TDP1: variants seen among roughly 807,000 people sequenced by gnomAD.
The protein encoded by TDP1 is tyrosyl-DNA phosphodiesterase 1.
Under a neutral mutation model 81.5 loss-of-function variants are expected in TDP1, and 64 were observed. That is an observed-to-expected ratio of 0.79 (90% CI 0.64 to 0.97). TDP1 has a LOEUF of 0.97. Ranked by LOEUF, TDP1 falls within the 50% of genes least tolerant of loss-of-function variation. TDP1 has a pLI of 0.00. For missense variants in TDP1, 723 were observed against 743.8 expected, an observed-to-expected ratio of 0.97 and a Z score of 0.33; for synonymous variants, 256 against 264.3, an observed-to-expected ratio of 0.97 and a Z score of 0.30.
chr14:90,023,269 G>T (rs1886298380), intron 15 of TDP1, among the ~76,000 whole-genome samples: 1 of 152,226 alleles, frequency 6.6e-6, no homozygotes, highest in South Asian at 2.1e-4. Flanking sequence ...GAGCTTAACT[G>T]CTGTCAGGGA....
chr14:89,981,331 C>T (rs1193472165), intron 8 of TDP1: 4 of 376,456 alleles, frequency 1.1e-5, no homozygotes, highest in Non-Finnish European at 2.1e-5. Flanking sequence ...ACTTGGTGCA[C>T]ATATGCTAGA....
intron 14 of TDP1, among the ~76,000 whole-genome samples, chr14:90,015,866 T>G (rs1330972625): frequency 1.3e-5 from 2 of 152,136 alleles, no homozygotes; most frequent in African/African-American, 4.8e-5. Context: ...GGGGTTAGGA[T>G]TTCAACATAT....
intron 14 of TDP1, among the ~76,000 whole-genome samples, chr14:90,002,459 C>T (rs945832054): frequency 3.3e-5 from 5 of 152,174 alleles, no homozygotes; most frequent in African/African-American, 9.7e-5. Context: ...TATTAGTTCA[C>T]TGCTTGATTT....
chr14:89,968,538 T>A (rs1893213054), intron 5 of TDP1, among the ~76,000 whole-genome samples: 1 of 152,240 alleles, frequency 6.6e-6, no homozygotes, highest in South Asian at 2.1e-4. Flanking sequence ...TGCATCTATT[T>A]CATTGAGCAG....
At position 90,022,054 on chromosome 14, in the gene TDP1, C is replaced by T. The variant is rs566524438; in HGVS notation, c.1644+2636C>T. 4.6e-5 allele frequency among the ~76,000 whole-genome samples: 7 copies of T among 152,250 alleles called. No homozygotes were observed. In the South Asian group the frequency reaches 6.2e-4, roughly 14 times the overall value. Reference sequence around the variant, plus strand: ...GAGTGCTCTAATCAGGCATTGTGGACGGTACACAGAATGGCTTTACCCTTC... The same window carrying T: ...GAGTGCTCTAATCAGGCATTGTGGATGGTACACAGAATGGCTTTACCCTTC... On this transcript the variant is annotated intron_variant, in intron 15 of 16. Transcript: ENST00000335725.
chr14:89,982,771 G>A (rs1306327169), intron 8 of TDP1, among the ~76,000 whole-genome samples: 1 of 152,116 alleles, frequency 6.6e-6, no homozygotes, highest in Non-Finnish European at 1.5e-5. Flanking sequence ...TCCTGGTGTG[G>A]GATCCTATTA....
At chr14:90,023,129 C>T in intron 15 of TDP1, 1 of 743,072 alleles carries the variant, frequency 1.3e-6, no homozygotes, top group Non-Finnish European at 2.5e-6. Context: ...CAATATATGA[C>T]AACAACTAGG....
intron 14 of TDP1, among the ~76,000 whole-genome samples, chr14:89,997,078 C>T (rs1896705836): frequency 6.6e-6 from 1 of 152,234 alleles, no homozygotes; most frequent in Non-Finnish European, 1.5e-5. Context: ...TGCTTTTTGA[C>T]TATTCTACAT....
chr14:90,022,273 C>T (rs1886177082), intron 15 of TDP1, among the ~76,000 whole-genome samples: 1 of 152,216 alleles, frequency 6.6e-6, no homozygotes, highest in South Asian at 2.1e-4. Flanking sequence ...TTTGTGCCCA[C>T]AGAAGCCCAC....
Position 90,033,154 on chromosome 14 carries a change from G to C in TDP1, c.1693G>C (p.Glu565Gln). 1 of 1,613,678 alleles carries C rather than the reference G, an allele frequency of 6.2e-7. No individual in the cohort carries two copies. The highest frequency in any genetic ancestry group is 8.5e-7 in the Non-Finnish European group (1 of 1,179,678). ...ACAGAAGTTCTTCGCTGGCAGCCAG[G>C]AGCCAATGGCCACCTTTCCTGTGCC... ...VKQKFFAGSQ[E>Q]PMATFPVPYD... is the part of the protein sequence containing the mutation. The change falls in exon 16 of 17, where the codon GAG (glutamate) becomes CAG (glutamine). Residue 565 changes from glutamate (E) to glutamine (Q), a missense_variant. Physicochemically the swap from Glu to Gln is conservative, Grantham distance 29. Transcript: ENST00000335725.
intron 15 of TDP1, chr14:90,022,701 A>G (rs1886221744): frequency 1.0e-6 from 1 of 970,268 alleles, no homozygotes; most frequent in Non-Finnish European, 1.2e-6. Flanking sequence ...AAGTGCTTAT[A>G]TCACAACATC....
chr14:90,000,425 C>T (rs1897089233), intron 14 of TDP1, among the ~76,000 whole-genome samples: 1 of 152,168 alleles, frequency 6.6e-6, no homozygotes, highest in African/African-American at 2.4e-5. Flanking sequence ...GCTCTTATTG[C>T]CCAGGCTGAA....
At chr14:90,005,384 A>AAAG (rs1897574267) in intron 14 of TDP1, among the ~76,000 whole-genome samples, 2 of 152,134 alleles carry the variant, frequency 1.3e-5, no homozygotes, top group South Asian at 4.1e-4. Flanking sequence ...GTTTCCTTTG[A>AAAG]ACAAAGGGTT....
intron 16 of TDP1, among the ~76,000 whole-genome samples, chr14:90,041,601 C>T (rs1437418403): frequency 5.9e-5 from 9 of 152,154 alleles, no homozygotes; most frequent in Non-Finnish European, 1.3e-4. Flanking sequence ...GAAAGGTTGC[C>T]CCAGAGGCGA....
intron 1 of TDP1, 88 bp downstream of exon 1, chr14:89,956,058 CGGTGCGCG>C (rs961183273): frequency 2.0e-5 from 3 of 152,560 alleles, no homozygotes; most frequent in Non-Finnish European, 4.4e-5. Flanking sequence ...GGCCGAGTCG[CGGTGCGCG>C]GGCTGCTGGG....
chr14:90,012,852 GC>G (rs1450461290), intron 14 of TDP1, among the ~76,000 whole-genome samples: 1 of 152,210 alleles, frequency 6.6e-6, no homozygotes, highest in South Asian at 2.1e-4. Context: ...GCTATGCCCT[GC>G]AAAGCTACAG....
At chr14:90,010,999 G>A (rs540485510) in intron 14 of TDP1, among the ~76,000 whole-genome samples, 8 of 152,172 alleles carry the variant, frequency 5.3e-5, no homozygotes, top group Admixed American at 2.0e-4. Flanking sequence ...GAAGGGACCT[G>A]GTGGGAGGTA....
At chr14:89,961,889 G>A (rs1189308300) in intron 2 of TDP1, among the ~76,000 whole-genome samples, 1 of 152,206 alleles carries the variant, frequency 6.6e-6, no homozygotes, top group Non-Finnish European at 1.5e-5. Flanking sequence ...CGAAGATACT[G>A]TTGATCTGAG....
chr14:89,984,816 T>TG (rs1430914325), intron 9 of TDP1, 133 bp downstream of exon 9: 2 of 1,577,968 alleles, frequency 1.3e-6, no homozygotes, highest in Admixed American at 1.8e-5. Flanking sequence ...GATGAGGGGA[T>TG]GAGCAGATTC....
Sources: gnomAD v4.1 joint callset for allele counts (sites outside exome capture counted in the v4.1 genomes callset) on GRCh38, gnomAD v4.1.1 for gene constraint, MANE v1.5 for transcripts, NCBI Gene and HGNC (gene_info 2026-07-23, HGNC 2026-07-21) for gene names.